ENTPD1: variants seen among roughly 807,000 people sequenced by gnomAD.
ENTPD1 encodes ATP diphosphohydrolase.
ENTPD1 carries 33 observed loss-of-function variants against 57.0 expected under a neutral mutation model. That is an observed-to-expected ratio of 0.58 (90% CI 0.44 to 0.77). The LOEUF (loss-of-function observed/expected upper bound fraction) is 0.77, where lower values mean the gene tolerates loss of function less well. Among genes scored for constraint, ENTPD1 ranks in the 30% least tolerant of loss-of-function variants. The pLI is 0.00. For synonymous variants in ENTPD1, 202 were observed against 218.8 expected (o/e 0.92, Z 0.68); for missense variants, 501 against 603.4 (o/e 0.83, Z 1.78).
At chr10:95,749,876 TA>T (rs2098009946) in intron 1 of ENTPD1, among the ~76,000 whole-genome samples, 1 of 152,156 alleles carries the variant, frequency 6.6e-6, no homozygotes, top group African/African-American at 2.4e-5. Flanking sequence ...TTAACTGAAT[TA>T]TTATAGTTTC....
At chr10:95,704,791 T>C in the ENTPD1 span, among the ~76,000 whole-genome samples, 2 of 151,938 alleles carry the variant, frequency 1.3e-5, no homozygotes, top group Admixed American at 6.6e-5. Flanking sequence ...CTTGTTAACA[T>C]TGAGAATTTC....
At chr10:95,808,209 A>T (rs908735340) in intron 1 of ENTPD1, among the ~76,000 whole-genome samples, 8 of 152,200 alleles carry the variant, frequency 5.3e-5, no homozygotes, top group Non-Finnish European at 7.3e-5. Context: ...TGTTTGCAGG[A>T]TGAATCACAT....
At chr10:95,839,854 G>C in intron 3 of ENTPD1, 46 bp downstream of exon 3, 1 of 1,580,122 alleles carries the variant, frequency 6.3e-7, no homozygotes, top group Non-Finnish European at 8.7e-7. Context: ...TGGGGCATGA[G>C]AACATGAGAG....
upstream of ENTPD1, chr10:95,754,297 A>T (rs1290167793): frequency 2.7e-5 from 4 of 148,726 alleles, no homozygotes; most frequent in African/African-American, 7.5e-5. Context: ...GACAAGAGTA[A>T]AACTCTTGTC....
At chr10:95,744,036 G>C (rs1217771999) in intron 1 of ENTPD1, among the ~76,000 whole-genome samples, 2 of 46,262 alleles carry the variant, frequency 4.3e-5, no homozygotes, top group Admixed American at 2.2e-4. Context: ...ATATATATAT[G>C]CACAACTATA....
chr10:95,753,686 T>C (rs1347939172), upstream of ENTPD1: 3 of 152,220 alleles, frequency 2.0e-5, no homozygotes, highest in Admixed American at 2.0e-4. Flanking sequence ...GACCTTGAAT[T>C]TTAATTTTGT....
At chr10:95,707,925 G>A (rs546654041), upstream of ENTPD1, among the ~76,000 whole-genome samples, 131 of 152,174 alleles carry the variant, frequency 8.6e-4, no homozygotes, top group Non-Finnish European at 1.6e-3. Context: ...AAAAATTAGT[G>A]GAGCTATATA....
chr10:95,694,291 G>T, the ENTPD1 span: 1 of 257,672 alleles, frequency 3.9e-6, no homozygotes, highest in Non-Finnish European at 7.6e-6. Context: ...AACTAGAATT[G>T]CAAATTTTTT....
intron 7 of ENTPD1, among the ~76,000 whole-genome samples, chr10:95,860,212 C>T (rs146878142): frequency 1.0e-3 from 156 of 152,164 alleles, no homozygotes; most frequent in African/African-American, 3.6e-3. Context: ...TTCTCTTTCC[C>T]CATTTTTCTT....
upstream of ENTPD1, among the ~76,000 whole-genome samples, chr10:95,706,937 G>A (rs1933170): frequency 0.84 from 127,651 of 151,896 alleles, 54,198 homozygotes; most frequent in Non-Finnish European, 0.91. Flanking sequence ...CCGAGCAGGC[G>A]CCGGGAGAGA....
At chr10:95,786,071 G>T (rs891287338) in intron 1 of ENTPD1, among the ~76,000 whole-genome samples, 1 of 152,024 alleles carries the variant, frequency 6.6e-6, no homozygotes, top group Admixed American at 6.6e-5. Flanking sequence ...TTTATCTGAG[G>T]GCCTCATATC....
intron 1 of ENTPD1, among the ~76,000 whole-genome samples, chr10:95,788,137 A>C (rs2098187961): frequency 6.6e-6 from 1 of 152,210 alleles, no homozygotes; most frequent in Non-Finnish European, 1.5e-5. Flanking sequence ...GAAATGACTG[A>C]CTAGTTCATC....
At chr10:95,793,428 T>C (rs1279690864) in intron 1 of ENTPD1, among the ~76,000 whole-genome samples, 4 of 152,182 alleles carry the variant, frequency 2.6e-5, no homozygotes, top group African/African-American at 9.7e-5. Flanking sequence ...TTGGGTAGTC[T>C]TCACCCACTG....
At chr10:95,827,349 G>T (rs2098380976) in intron 2 of ENTPD1, among the ~76,000 whole-genome samples, 1 of 152,000 alleles carries the variant, frequency 6.6e-6, no homozygotes, top group Non-Finnish European at 1.5e-5. Flanking sequence ...CAACTACTTG[G>T]GAGGCTGAGG....
intron 7 of ENTPD1, among the ~76,000 whole-genome samples, chr10:95,858,031 G>A (rs565592935): frequency 3.3e-5 from 5 of 152,130 alleles, no homozygotes; most frequent in East Asian, 3.9e-4. Flanking sequence ...GGTGGCAGGC[G>A]CCTGTAATCC....
chr10:95,874,149 C>T lies in ENTPD1; in HGVS notation c.*7766C>T, dbSNP rs1198346217. ...AAGTCTTAACTCATTTCAGCATTAA[C>T]CCAAAAGTCCACAGTCCAAAGTCTC... On this transcript the variant is annotated 3_prime_UTR_variant, in exon 10 of 10. Coordinates refer to ENST00000371205, the MANE Select transcript of ENTPD1 (RefSeq NM_001776.6). 1.3e-5 allele frequency among the ~76,000 whole-genome samples: 2 copies of T among 152,272 alleles called. No individual in the cohort carries two copies. The highest frequency in any genetic ancestry group is 4.8e-5 in the African/African-American group (2 of 41,534).
At position 95,842,410 on chromosome 10, in the gene ENTPD1, A is replaced by T. The variant is rs751335015; in HGVS notation, c.329A>T (p.Glu110Val). Reference sequence around the variant, plus strand: ...GGCATTTACCTGACTGATTGCATGGAAAGAGCTAGGGAAGTGATTCCAAGG... The same window carrying T: ...GGCATTTACCTGACTGATTGCATGGTAAGAGCTAGGGAAGTGATTCCAAGG... Reference protein sequence around the residue: ...EIGIYLTDCMERAREVIPRSQ... With the variant: ...EIGIYLTDCMVRAREVIPRSQ... The change falls in exon 4 of 10, where the codon GAA becomes GTA. Residue 110 changes from glutamate to valine, a missense_variant. Physicochemically the swap from Glu to Val is moderately radical, Grantham distance 121 (BLOSUM62 -2). Coordinates refer to ENST00000371205, the MANE Select transcript of ENTPD1 (RefSeq NM_001776.6). The T allele has an allele frequency of 1.6e-5, 26 of 1,614,060 alleles. No homozygotes were observed. The highest frequency in any genetic ancestry group is 2.1e-5 in the Non-Finnish European group (25 of 1,180,030).
chr10:95,842,592 C>G (rs2098424826), intron 4 of ENTPD1, 98 bp downstream of exon 4: 1 of 1,357,656 alleles, frequency 7.4e-7, no homozygotes, highest in Admixed American at 2.2e-5. Context: ...CCTAATACCC[C>G]AAGTTCTACA....
At chr10:95,731,975 G>A (rs964490557) in intron 1 of ENTPD1, among the ~76,000 whole-genome samples, 5 of 151,616 alleles carry the variant, frequency 3.3e-5, no homozygotes, top group African/African-American at 9.7e-5. Context: ...TAGAGACGGG[G>A]TTTCACCATG....
Sources: gnomAD v4.1 joint callset for allele counts (sites outside exome capture counted in the v4.1 genomes callset) on GRCh38, gnomAD v4.1.1 for gene constraint, MANE v1.5 for transcripts, NCBI Gene and HGNC (gene_info 2026-07-23, HGNC 2026-07-21) for gene names.